The following SLC6A3 variants were observed in gnomAD, a reference collection of about 807,000 sequenced individuals.
SLC6A3 encodes solute carrier family 6 member 3.
In SLC6A3, 19 loss-of-function variants were observed where a neutral mutation model predicts 70.4. That is an observed-to-expected ratio of 0.27 (90% CI 0.19 to 0.40). The LOEUF (loss-of-function observed/expected upper bound fraction) is 0.40. SLC6A3 is among the 10% of genes least tolerant of loss of function. The pLI, the probability that SLC6A3 is intolerant of heterozygous loss-of-function variation, is 1.00. For missense variants in SLC6A3, 613 were observed against 838.5 expected, an observed-to-expected ratio of 0.73 and a Z score of 3.32; for synonymous variants, 368 against 356.6, an observed-to-expected ratio of 1.03 and a Z score of -0.36.
intron 4 of SLC6A3, among the ~76,000 whole-genome samples, chr5:1,423,504 C>G (rs1579717495): frequency 6.6e-6 from 1 of 152,248 alleles, no homozygotes; most frequent in Non-Finnish European, 1.5e-5. Flanking sequence ...TGCTCACAGC[C>G]CCTGCTGCTA....
intron 14 of SLC6A3, among the ~76,000 whole-genome samples, chr5:1,400,090 C>T (rs2126317157): frequency 6.6e-6 from 1 of 152,338 alleles, no homozygotes; most frequent in Admixed American, 6.5e-5. Context: ...CCTTCTCTCC[C>T]TTTTGCTGTG....
intron 3 of SLC6A3, among the ~76,000 whole-genome samples, chr5:1,440,516 A>C (rs1250063655): frequency 6.6e-6 from 1 of 152,150 alleles, no homozygotes; most frequent in Non-Finnish European, 1.5e-5. Flanking sequence ...GATAGATAGA[A>C]TTGTGGGATG....
intron 14 of SLC6A3, among the ~76,000 whole-genome samples, chr5:1,398,861 T>A (rs1057273487): frequency 1.3e-5 from 2 of 152,202 alleles, no homozygotes; most frequent in Non-Finnish European, 2.9e-5. Flanking sequence ...CTGATAGAAC[T>A]GAGGGGAACA....
chr5:1,438,280 C>T lies in SLC6A3; in HGVS notation c.418+3079G>A, dbSNP rs1422236922. 2.0e-5 allele frequency among the ~76,000 whole-genome samples: 3 copies of T among 152,250 alleles called. No homozygotes were observed. Among genetic ancestry groups the T allele is most frequent in the African/African-American group, 7.2e-5 (3 of 41,466 alleles). On this transcript the variant is annotated intron_variant, in intron 3 of 14. Transcript: ENST00000270349. This position sits in a 1 kb window ranked among gnomAD's most constrained non-coding sequence, Gnocchi z 6.5. ...GGCCACGAGCCTTCCTTCCTGCGGC[C>T]ACACTTTGCAGCCCTCCTCTGGGAC...
rs1398362824 is a variant in SLC6A3 at position 1,411,724 on chromosome 5, C to T, written c.1157-369G>A. Reference sequence around the variant, plus strand: ...CCCAGGGACATCTGCTAATGTCCTTCGAGTTAGTTTTTCCTGCACATACCA... The same window carrying T: ...CCCAGGGACATCTGCTAATGTCCTTTGAGTTAGTTTTTCCTGCACATACCA... On this transcript the variant is annotated intron_variant, in intron 8 of 14. Coordinates refer to ENST00000270349, the MANE Select transcript of SLC6A3 (RefSeq NM_001044.5). The surrounding 1 kb of genome is among the most constrained non-coding windows in gnomAD (Gnocchi z 6.5). Among the ~76,000 whole-genome samples, 1 of 152,146 alleles carries T rather than the reference C, an allele frequency of 6.6e-6. No homozygotes were observed. The highest frequency in any genetic ancestry group is 1.5e-5 in the Non-Finnish European group (1 of 68,028).
Position 1,438,166 on chromosome 5 carries a change from C to T in SLC6A3, c.418+3193G>A, listed in dbSNP as rs996862237. The stretch of plus-strand genomic sequence containing the variant: ...CTGATTCATCTATCCCTTCGTGGGT[C>T]GAACAGTTCACTTTCTGTGATTTGC... On this transcript the variant is annotated intron_variant, in intron 3 of 14. Transcript: ENST00000270349. This position sits in a 1 kb window ranked among gnomAD's most constrained non-coding sequence, Gnocchi z 6.5. Among the ~76,000 whole-genome samples, 4 of 152,222 alleles carry T rather than the reference C, an allele frequency of 2.6e-5. No homozygotes were observed. The highest frequency in any genetic ancestry group is 4.4e-5 in the Non-Finnish European group (3 of 68,040).
At chr5:1,403,677 C>T (rs1427553114) in intron 12 of SLC6A3, among the ~76,000 whole-genome samples, 1 of 152,082 alleles carries the variant, frequency 6.6e-6, no homozygotes, top group East Asian at 1.9e-4. Flanking sequence ...ACAACTGTGA[C>T]CCATGCGGGA....
Position 1,409,064 on chromosome 5 carries a change from C to G in SLC6A3, c.1460G>C (p.Gly487Ala). The change falls in exon 11 of 15, where the codon GGA becomes GCA. Residue 487 changes from glycine to alanine, a missense_variant. Physicochemically the swap from Gly to Ala is moderately conservative, Grantham distance 60 (BLOSUM62 0). This residue lies in a region of SLC6A3 where 348 missense variants were observed against 481.2 expected (regional missense o/e 0.72). Transcript: ENST00000270349. Reference protein sequence around the residue: ...HFAAGTSILFGVLIEAIGVAW... With the variant: ...HFAAGTSILFAVLIEAIGVAW... ...CACTCCGATGGCTTCGATGAGCACTCCAAAGAGGATGGACGTGCCGGCTGC... is the reference window on the plus strand; with the variant it reads ...CACTCCGATGGCTTCGATGAGCACTGCAAAGAGGATGGACGTGCCGGCTGC... 6.2e-7 allele frequency: 1 copy of G among 1,613,130 alleles called. No homozygotes were observed. The highest frequency in any genetic ancestry group is 8.5e-7 in the Non-Finnish European group (1 of 1,179,940).
At chr5:1,429,344 C>T (rs1043149840) in intron 4 of SLC6A3, among the ~76,000 whole-genome samples, 2 of 152,202 alleles carry the variant, frequency 1.3e-5, no homozygotes, top group Non-Finnish European at 2.9e-5. Flanking sequence ...TAAACCTTCT[C>T]CAACTCCCCA....
At position 1,399,962 on chromosome 5, in the gene SLC6A3, C is replaced by T. The variant is rs1755806638; in HGVS notation, c.1839+953G>A. 2.6e-5 allele frequency among the ~76,000 whole-genome samples: 4 copies of T among 152,158 alleles called. No homozygotes were observed. The South Asian group carries it at 8.3e-4, about 32-fold the overall frequency. ...ATGTGCAGGTCCATGCTGGGCTCCT[C>T]AGGCATGAGCTCATGAGACCCCTGC... is the stretch of plus-strand genomic sequence containing the variant. On this transcript the variant is annotated intron_variant, in intron 14 of 14. Coordinates refer to ENST00000270349, the MANE Select transcript of SLC6A3 (RefSeq NM_001044.5).
rs573143542 is a variant in SLC6A3, at chr5:1,413,890, C to A, written c.1156+801G>T. On this transcript the variant is annotated intron_variant, in intron 8 of 14. Coordinates refer to ENST00000270349, the MANE Select transcript of SLC6A3 (RefSeq NM_001044.5). The surrounding 1 kb of genome is among the most constrained non-coding windows in gnomAD (Gnocchi z 7.1). The stretch of plus-strand genomic sequence containing the variant: ...CTGGGCCCACTCTCAGCCCCTGCAT[C>A]TGTGCCCGTCCTGCCGGCTCCATCC... Among the ~76,000 whole-genome samples the A allele has an allele frequency of 2.6e-5, 4 of 152,346 alleles. No homozygotes were observed. The South Asian group carries it at 8.3e-4, about 32-fold the overall frequency.
intron 9 of SLC6A3, 132 bp from the exon 10 acceptor site, chr5:1,409,981 G>T: frequency 8.6e-7 from 1 of 1,163,308 alleles, no homozygotes; most frequent in Non-Finnish European, 1.3e-6. Flanking sequence ...TGGCCGTCCA[G>T]GGTGCAGGAT....
intron 8 of SLC6A3, among the ~76,000 whole-genome samples, chr5:1,414,198 C>A (rs1351327150): frequency 6.6e-6 from 1 of 151,940 alleles, no homozygotes; most frequent in African/African-American, 2.4e-5. Context: ...CATGTTCCCA[C>A]ACCGCGTGGC....
Position 1,401,355 on chromosome 5 carries a change from G to A in SLC6A3, c.1768-369C>T, listed in dbSNP as rs1400341109. 2.0e-6 allele frequency: 1 copy of A among 489,934 alleles called. No individual in the cohort carries two copies. The highest frequency in any genetic ancestry group is 4.0e-6 in the Non-Finnish European group (1 of 251,416). 30.3% of individuals were successfully genotyped at this position (489,934 alleles called of 1,614,324 possible). ...CTGAGTAAGAAAGTGCCCACACCCA[G>A]GTGGGCTGCCTCGGGGCCACCTGCA... On this transcript the variant is annotated intron_variant, in intron 13 of 14. Coordinates refer to ENST00000270349, the MANE Select transcript of SLC6A3 (RefSeq NM_001044.5). The surrounding 1 kb of genome is among the most constrained non-coding windows in gnomAD (Gnocchi z 6.1).
rs912713671 is a variant in SLC6A3, at chr5:1,406,024, C to T, written c.1599+164G>A. On this transcript the variant is annotated intron_variant, in intron 12 of 14. Coordinates refer to ENST00000270349, the MANE Select transcript of SLC6A3 (RefSeq NM_001044.5). This position sits in a 1 kb window ranked among gnomAD's most constrained non-coding sequence, Gnocchi z 8.8. Reference sequence around the variant, plus strand: ...GAGGGTGGAAGCCACCTTAAGGAGACTATAGATGAGTTCAGGGATCAGCCT... The same window carrying T: ...GAGGGTGGAAGCCACCTTAAGGAGATTATAGATGAGTTCAGGGATCAGCCT... 6.6e-6 allele frequency among the ~76,000 whole-genome samples: 1 copy of T among 152,204 alleles called. No homozygotes were observed. The highest frequency in any genetic ancestry group is 2.4e-5 in the African/African-American group (1 of 41,446).
intron 4 of SLC6A3, among the ~76,000 whole-genome samples, chr5:1,429,871 T>C (rs1384338069): frequency 2.0e-5 from 3 of 152,188 alleles, no homozygotes; most frequent in African/African-American, 7.2e-5. Flanking sequence ...GGTGTTTAAT[T>C]AGGGAAATGT....
In SLC6A3 at chr5:1,396,068, C is replaced by G. The variant is rs1755711051; in HGVS notation, c.1840-1310G>C. Among the ~76,000 whole-genome samples, 1 of 152,194 alleles carries G rather than the reference C, an allele frequency of 6.6e-6. No homozygotes were observed. Among genetic ancestry groups the G allele is most frequent in the Admixed American group, 6.5e-5 (1 of 15,284 alleles). Reference sequence around the variant, plus strand: ...TCTCAGAAAAGTGACACACGCACATCACAGTGATGAGAATTTCACAAGAAA... The same window carrying G: ...TCTCAGAAAAGTGACACACGCACATGACAGTGATGAGAATTTCACAAGAAA... On this transcript the variant is annotated intron_variant, in intron 14 of 14. Coordinates refer to ENST00000270349, the MANE Select transcript of SLC6A3 (RefSeq NM_001044.5). This position sits in a 1 kb window ranked among gnomAD's most constrained non-coding sequence, Gnocchi z 7.0.
At position 1,414,714 on chromosome 5, in the gene SLC6A3, G is replaced by A. The variant is rs1410579930; in HGVS notation, c.1133C>T (p.Pro378Leu). The A allele has an allele frequency of 1.2e-6, 2 of 1,612,474 alleles. No homozygotes were observed. Among genetic ancestry groups the A allele is most frequent in the Non-Finnish European group, 1.7e-6 (2 of 1,179,838 alleles). ...ACCGTCCTTGGCCACGTCCCCGATG[G>A]GCACACTGTGCTTCTGTGCCATGTA... ...LGYMAQKHSVPIGDVAKDGPG... is the reference protein window; with the variant it reads ...LGYMAQKHSVLIGDVAKDGPG... The change falls in exon 8 of 15, where the codon CCC becomes CTC. Residue 378 changes from proline to leucine, a missense_variant. Physicochemically the swap from Pro to Leu is moderately conservative, Grantham distance 98. Around this residue, in one of 4 missense-constraint regions of SLC6A3, gnomAD observed 348 missense variants for 481.2 expected, o/e 0.72. Transcript: ENST00000270349.
rs1474515473 is a variant in SLC6A3 at position 1,445,357 on chromosome 5, C to G, written c.-55G>C. The stretch of plus-strand genomic sequence containing the variant: ...GCGACGCTGGCCTCACCTGGCCGCC[C>G]GGGCCTGGGCTTTGCACGCGAGTCC... On this transcript the variant is annotated 5_prime_UTR_variant, in exon 1 of 15. Transcript: ENST00000270349. The G allele has an allele frequency of 6.5e-6, 1 of 154,432 alleles. No individual in the cohort carries two copies. 9.6% of individuals were successfully genotyped at this position (154,432 alleles called of 1,614,324 possible).
Sources: allele counts gnomAD v4.1 joint callset (sites outside exome capture counted in the v4.1 genomes callset), GRCh38; gene constraint gnomAD v4.1.1; regional missense constraint gnomAD v4.1.1; non-coding constraint Gnocchi (gnomAD v3.1); transcripts MANE v1.5; gene names NCBI Gene and HGNC (gene_info 2026-07-23, HGNC 2026-07-21).